MRPL45: variants seen among roughly 807,000 people sequenced by gnomAD.
MRPL45 encodes the protein mitochondrial ribosomal protein L45.
Under a neutral mutation model 38.1 loss-of-function variants are expected in MRPL45, and 20 were observed. That is an observed-to-expected ratio of 0.53 (90% confidence interval 0.37 to 0.76). MRPL45 has a LOEUF of 0.76. MRPL45 is among the 30% of genes least tolerant of loss of function. MRPL45 has a pLI of 0.00. For missense variants in MRPL45, 337 were observed against 395.6 expected (o/e 0.85, Z 1.26); for synonymous variants, 105 against 128.8 (o/e 0.82, Z 1.25).
intron 3 of MRPL45, among the ~76,000 whole-genome samples, chr17:38,300,052 A>G (rs528685176): frequency 2.7e-5 from 4 of 145,990 alleles, no homozygotes; most frequent in African/African-American, 7.7e-5. Flanking sequence ...TTATTTATTT[A>G]TTTATTTATT....
In MRPL45 at chr17:38,320,761, C is replaced by G. The variant is rs1238079756; in HGVS notation, c.654C>G (p.Thr218=). 8.7e-6 allele frequency: 14 copies of G among 1,613,782 alleles called. No individual in the cohort carries two copies. The highest frequency in any genetic ancestry group is 8.3e-5 in the Admixed American group (5 of 59,980). ...VYGQITVRMH[T]RQTLAIYDRF... is the part of the protein sequence containing the mutation. ...GCCAGATCACCGTACGCATGCACAC[C>G]CGGCAGGTAGAGGCACTCGTCTGCC... Residue 218 remains threonine, a synonymous_variant, in exon 6 of 8, where the codon ACC becomes ACG. Transcript: ENST00000613675.
At chr17:38,297,923 C>T (rs1179188820) in intron 1 of MRPL45, among the ~76,000 whole-genome samples, 1 of 152,092 alleles carries the variant, frequency 6.6e-6, no homozygotes, top group African/African-American at 2.4e-5. Flanking sequence ...CATATAAGAC[C>T]TGGTCTTTAC....
Position 38,301,094 on chromosome 17 carries a change from C to G in MRPL45, c.362+1626C>G, listed in dbSNP as rs559145468. Among the ~76,000 whole-genome samples, 26 of 152,222 alleles carry G rather than the reference C, an allele frequency of 1.7e-4. No homozygotes were observed. In the East Asian group the frequency reaches 4.8e-3, roughly 28 times the overall value. ...ATCTGGTCCTTGCCTTTTTCTCCAC[C>G]ATCATTCTTTGTCCTTATTCCATTT... On this transcript the variant is annotated intron_variant, in intron 3 of 7. Transcript: ENST00000613675.
chr17:38,307,552 C>T (rs1287911663), intron 4 of MRPL45, among the ~76,000 whole-genome samples: 2 of 151,942 alleles, frequency 1.3e-5, no homozygotes, highest in Non-Finnish European at 1.5e-5. Context: ...GCTGTGTTGC[C>T]TAGACTGGTC....
intron 5 of MRPL45, among the ~76,000 whole-genome samples, 170 bp downstream of exon 5, chr17:38,318,905 G>C (rs1339826027): frequency 6.7e-6 from 1 of 148,434 alleles, no homozygotes; most frequent in African/African-American, 2.5e-5. Flanking sequence ...TTGGCTCACC[G>C]CAACCTCCAC....
intron 5 of MRPL45, 89 bp downstream of exon 5, chr17:38,318,824 TTTC>T (rs1337307784): frequency 1.3e-3 from 43 of 34,024 alleles, no homozygotes; most frequent in Middle Eastern, 6.5e-3. Flanking sequence ...TTTCTTTTCT[TTTC>T]TTTTTTTTTT....
rs907313968 is a variant in MRPL45, at chr17:38,322,825, C to T, written c.*230C>T. 1 of 523,588 alleles carries T rather than the reference C, an allele frequency of 1.9e-6. No homozygotes were observed. The highest frequency in any genetic ancestry group is 1.9e-5 in the African/African-American group (1 of 52,638). 32.4% of individuals were successfully genotyped at this position (523,588 alleles called of 1,614,324 possible). A position where few individuals can be genotyped will look rare whatever the true frequency, so the allele number is the denominator to read the frequency against. On this transcript the variant is annotated 3_prime_UTR_variant, in exon 8 of 8. Coordinates refer to ENST00000613675, the MANE Select transcript of MRPL45 (RefSeq NM_032351.6). Reference sequence around the variant, plus strand: ...CTTTTTTAAATTTTATGTCTAGCTTCTGAGTCTAGATGAAAGACAGTATGT... The same window carrying T: ...CTTTTTTAAATTTTATGTCTAGCTTTTGAGTCTAGATGAAAGACAGTATGT...
chr17:38,312,985 T>TTG (rs1555561929), intron 4 of MRPL45, among the ~76,000 whole-genome samples: 2 of 3,476 alleles, frequency 5.8e-4, no homozygotes, highest in Non-Finnish European at 1.5e-3. Flanking sequence ...TTTTTATTGG[T>TTG]TTTTTTTTTT....
chr17:38,305,844 T>C (rs1457074603), intron 3 of MRPL45, among the ~76,000 whole-genome samples: 2 of 151,912 alleles, frequency 1.3e-5, no homozygotes. Flanking sequence ...GGTTTCACCC[T>C]GTTGGCTAGG....
chr17:38,314,600 C>G (rs372430890), intron 4 of MRPL45, among the ~76,000 whole-genome samples: 2 of 152,166 alleles, frequency 1.3e-5, no homozygotes, highest in African/African-American at 4.8e-5. Flanking sequence ...TTTTAGCTCT[C>G]ACATTTAGGT....
chr17:38,305,289 A>G (rs1233472723), intron 3 of MRPL45, among the ~76,000 whole-genome samples: 1 of 134,822 alleles, frequency 7.4e-6, no homozygotes, highest in Non-Finnish European at 1.6e-5. Context: ...CAGCATGGTG[A>G]AACCCCATCT....
intron 4 of MRPL45, among the ~76,000 whole-genome samples, chr17:38,309,525 A>G (rs1316743744): frequency 8.9e-5 from 4 of 44,960 alleles, no homozygotes; most frequent in Non-Finnish European, 2.5e-4. Flanking sequence ...CCGTCTCAGA[A>G]AAAAAAAAAA....
At chr17:38,309,711 A>G (rs946119115) in intron 4 of MRPL45, among the ~76,000 whole-genome samples, 1 of 151,504 alleles carries the variant, frequency 6.6e-6, no homozygotes, top group Non-Finnish European at 1.5e-5. Context: ...CTTCCACCTC[A>G]GACTCCCAAA....
intron 3 of MRPL45, among the ~76,000 whole-genome samples, chr17:38,302,887 A>G (rs1435604647): frequency 6.8e-6 from 1 of 146,924 alleles, no homozygotes; most frequent in East Asian, 2.0e-4. Context: ...ACCATGCCCC[A>G]CTGATTTTTG....
chr17:38,298,780 G>A (rs1305928186), intron 2 of MRPL45, among the ~76,000 whole-genome samples, 154 bp downstream of exon 2: 1 of 152,102 alleles, frequency 6.6e-6, no homozygotes, highest in Non-Finnish European at 1.5e-5. Context: ...ATATCATGAA[G>A]TTGTTCTTTG....
In MRPL45 at chr17:38,297,214, T is replaced by C. The variant is rs759664237; in HGVS notation, c.31T>C (p.Cys11Arg). Residue 11 changes from cysteine to arginine, a missense_variant, in exon 1 of 8, where the codon TGT becomes CGT. Cys to Arg is a radical substitution (Grantham distance 180). Around this residue, in one of 3 missense-constraint regions of MRPL45, gnomAD observed 26 missense variants for 16.9 expected, o/e 1.54. Transcript: ENST00000613675. ...AGCCCCCATACCTCAAGGGTTCTCT[T>C]GTTTATCGAGGTTTTTGGGCTGGTG... MAAPIPQGFS[C>R]LSRFLGWWSR... The C allele has an allele frequency of 1.2e-6, 2 of 1,614,176 alleles. No homozygotes were observed. The highest frequency in any genetic ancestry group is 4.5e-5 in the East Asian group (2 of 44,886).
intron 3 of MRPL45, among the ~76,000 whole-genome samples, chr17:38,302,309 A>C (rs548011818): frequency 6.6e-6 from 1 of 151,470 alleles, no homozygotes; most frequent in South Asian, 2.1e-4. Context: ...CAACATGGTG[A>C]GATCCCATCT....
chr17:38,321,612 A>T (rs2037230054), intron 6 of MRPL45, among the ~76,000 whole-genome samples: 1 of 151,784 alleles, frequency 6.6e-6, no homozygotes, highest in Non-Finnish European at 1.5e-5. Context: ...AATCGCTTGA[A>T]CCTGGAAGGC....
rs1158863899 is a variant in MRPL45 at position 38,299,113 on chromosome 17, T to C, written c.245-238T>C. 2.7e-5 allele frequency among the ~76,000 whole-genome samples: 4 copies of C among 150,554 alleles called. No individual in the cohort carries two copies. The East Asian group carries it at 7.8e-4, about 29-fold the overall frequency. The stretch of plus-strand genomic sequence containing the variant: ...CCATCTTGGCCAGGCTGGTCTTGAA[T>C]TCCTGACTTTGTGATCCGCCCGCCT... On this transcript the variant is annotated intron_variant, in intron 2 of 7. Transcript: ENST00000613675.
Sources: gnomAD v4.1 joint callset for allele counts (sites outside exome capture counted in the v4.1 genomes callset) on GRCh38, gnomAD v4.1.1 for gene constraint, gnomAD v4.1.1 regional missense constraint, MANE v1.5 for transcripts, NCBI Gene and HGNC (gene_info 2026-07-23, HGNC 2026-07-21) for gene names.